The following PDE1A variants were observed in gnomAD, a reference collection of about 807,000 sequenced individuals.
The protein encoded by PDE1A is phosphodiesterase 1A.
In PDE1A, 35 loss-of-function variants were observed where a neutral mutation model predicts 61.7. The observed-to-expected ratio is 0.57, with a 90% CI of 0.43 to 0.75. The LOEUF is 0.75. PDE1A is among the 30% of genes least tolerant of loss of function. PDE1A has a pLI of 0.00. For synonymous variants in PDE1A, 232 were observed against 213.2 expected, an observed-to-expected ratio of 1.09 and a Z score of -0.77; for missense variants, 597 against 630.6, an observed-to-expected ratio of 0.95 and a Z score of 0.57.
At chr2:182,384,350 T>C (rs1305797033) in intron 1 of PDE1A, among the ~76,000 whole-genome samples, 1 of 151,448 alleles carries the variant, frequency 6.6e-6, no homozygotes, top group Non-Finnish European at 1.5e-5. Flanking sequence ...CAAAAAAAAT[T>C]CAAAATAACC....
At chr2:182,421,540 T>C (rs1416380170) in intron 1 of PDE1A, among the ~76,000 whole-genome samples, 1 of 152,226 alleles carries the variant, frequency 6.6e-6, no homozygotes, top group Non-Finnish European at 1.5e-5. Flanking sequence ...ATAATTATGA[T>C]GCTAGTTTAT....
the PDE1A span, among the ~76,000 whole-genome samples, chr2:182,691,561 TA>T: frequency 6.6e-6 from 1 of 152,134 alleles, no homozygotes; most frequent in Admixed American, 6.5e-5. Flanking sequence ...ATGTTAGACC[TA>T]AAACCATAAA....
chr2:182,465,248 T>C (rs2125782955), intron 2 of PDE1A, among the ~76,000 whole-genome samples: 1 of 152,242 alleles, frequency 6.6e-6, no homozygotes, highest in African/African-American at 2.4e-5. Context: ...CAAATCACAG[T>C]GGAATAACTA....
chr2:182,544,449 T>C, the PDE1A span, among the ~76,000 whole-genome samples: 1 of 152,184 alleles, frequency 6.6e-6, no homozygotes, highest in Non-Finnish European at 1.5e-5. Context: ...TAGATGAGTT[T>C]AAGTCACAAG....
intron 2 of PDE1A, among the ~76,000 whole-genome samples, chr2:182,471,407 GC>G (rs1219286174): frequency 2.0e-5 from 3 of 151,640 alleles, no homozygotes; most frequent in African/African-American, 7.3e-5. Context: ...CTCACAAGAA[GC>G]CCAATTATAA....
chr2:182,512,705 A>G (rs1243422797), intron 2 of PDE1A, among the ~76,000 whole-genome samples: 1 of 152,232 alleles, frequency 6.6e-6, no homozygotes, highest in African/African-American at 2.4e-5. Flanking sequence ...TAAGAAATCT[A>G]TTAAAATGAT....
At chr2:182,163,495 T>G (rs1266940883), downstream of PDE1A, among the ~76,000 whole-genome samples, 2 of 152,158 alleles carry the variant, frequency 1.3e-5, no homozygotes, top group African/African-American at 4.8e-5. Flanking sequence ...TAACAACCAC[T>G]GTGGATTTAT....
intron 1 of PDE1A, among the ~76,000 whole-genome samples, chr2:182,385,626 AAAGAAAGAAAGAAG>A (rs767435609): frequency 0.093 from 8,905 of 96,210 alleles, 1,121 homozygotes; most frequent in Non-Finnish European, 0.14. Context: ...AAACAGAAAG[AAAGAAAGAAAGAAG>A]AAGAAAGAAA....
At chr2:182,620,266 T>C in the PDE1A span, among the ~76,000 whole-genome samples, 1 of 152,242 alleles carries the variant, frequency 6.6e-6, no homozygotes, top group South Asian at 2.1e-4. Flanking sequence ...TTAATATGAA[T>C]TTCAGTTATT....
At chr2:182,632,529 G>C in the PDE1A span, among the ~76,000 whole-genome samples, 1 of 151,906 alleles carries the variant, frequency 6.6e-6, no homozygotes, top group African/African-American at 2.4e-5. Flanking sequence ...CAAGAAGATA[G>C]CACTATTAGA....
chr2:182,609,302 A>G, the PDE1A span, among the ~76,000 whole-genome samples: 2 of 152,020 alleles, frequency 1.3e-5, no homozygotes, highest in Admixed American at 6.5e-5. Flanking sequence ...TCTCTGTAAA[A>G]TGGACCAATC....
At chr2:182,459,582 C>T (rs1235858037) in intron 2 of PDE1A, among the ~76,000 whole-genome samples, 10 of 152,114 alleles carry the variant, frequency 6.6e-5, no homozygotes, top group Admixed American at 6.6e-4. Flanking sequence ...TACTCAATGC[C>T]TTCCCATCAG....
chr2:182,688,149 C>T, the PDE1A span, among the ~76,000 whole-genome samples: 1 of 152,102 alleles, frequency 6.6e-6, no homozygotes, highest in Admixed American at 6.5e-5. Context: ...CAAGGCAGGC[C>T]AACATTCAAA....
intron 13 of PDE1A, among the ~76,000 whole-genome samples, chr2:182,157,457 A>T (rs1473197165): frequency 1.3e-5 from 2 of 152,222 alleles, no homozygotes; most frequent in Admixed American, 6.5e-5. Context: ...GAGACTGCAA[A>T]TATCACAAGT....
chr2:182,353,512 CAG>C (rs961727324), intron 1 of PDE1A, among the ~76,000 whole-genome samples: 2 of 152,020 alleles, frequency 1.3e-5, no homozygotes, highest in Non-Finnish European at 2.9e-5. Flanking sequence ...CTGTGGAAAA[CAG>C]ATAGAAAAAT....
At chr2:182,576,060 A>G in the PDE1A span, among the ~76,000 whole-genome samples, 219 of 151,502 alleles carry the variant, frequency 1.4e-3, no homozygotes, top group Middle Eastern at 0.014. Flanking sequence ...TTGTGATAAA[A>G]TGCATATAAC....
At chr2:182,696,023 A>C in the PDE1A span, among the ~76,000 whole-genome samples, 1 of 152,216 alleles carries the variant, frequency 6.6e-6, no homozygotes, top group East Asian at 1.9e-4. Flanking sequence ...AGAAGGCAAA[A>C]TGACACAGCC....
intron 1 of PDE1A, among the ~76,000 whole-genome samples, chr2:182,296,235 G>A (rs1208032577): frequency 6.6e-6 from 1 of 152,112 alleles, no homozygotes; most frequent in East Asian, 1.9e-4. Flanking sequence ...CGGGCTCTCT[G>A]GGCTGCTGTG....
At chr2:182,579,579 T>C in the PDE1A span, among the ~76,000 whole-genome samples, 13 of 152,280 alleles carry the variant, frequency 8.5e-5, no homozygotes, top group South Asian at 2.3e-3. Context: ...CTGCAGCAGC[T>C]TGAAGATCAG....
Sources: gnomAD v4.1 joint callset for allele counts (sites outside exome capture counted in the v4.1 genomes callset) on GRCh38, gnomAD v4.1.1 for gene constraint, MANE v1.5 for transcripts, NCBI Gene and HGNC (gene_info 2026-07-23, HGNC 2026-07-21) for gene names.